NAV2: variants seen among roughly 807,000 people sequenced by gnomAD.
NAV2 encodes neuron navigator 2, also known as helicase, APC down-regulated 1.
NAV2 carries 54 observed loss-of-function variants against 223.2 expected under a neutral mutation model. The observed-to-expected ratio is 0.24, with a 90% confidence interval of 0.19 to 0.30. NAV2 has a LOEUF of 0.30. Ranked by LOEUF, NAV2 falls within the 10% of genes least tolerant of loss-of-function variation. NAV2 has a pLI of 1.00. For missense variants in NAV2, 2,806 were observed against 3,147.5 expected (o/e 0.89, Z 2.60); for synonymous variants, 1,279 against 1,239.3 (o/e 1.03, Z -0.67).
chr11:19,405,159 A>G (rs1849841090), intron 1 of NAV2, among the ~76,000 whole-genome samples: 1 of 152,242 alleles, frequency 6.6e-6, no homozygotes. Flanking sequence ...AAACTCATTC[A>G]CAAGTACACG....
At chr11:19,813,735 G>T (rs2058954376) in intron 1 of NAV2, among the ~76,000 whole-genome samples, 1 of 152,190 alleles carries the variant, frequency 6.6e-6, no homozygotes, top group Non-Finnish European at 1.5e-5. Context: ...CCCAGAGAGG[G>T]CATGGGACGT....
At chr11:19,571,071 G>A (rs1489362748) in intron 1 of NAV2, among the ~76,000 whole-genome samples, 1 of 152,128 alleles carries the variant, frequency 6.6e-6, no homozygotes, top group African/African-American at 2.4e-5. Flanking sequence ...AACAAAGTAT[G>A]GTATATCCAT....
intron 1 of NAV2, among the ~76,000 whole-genome samples, chr11:19,809,347 A>G (rs2058739671): frequency 6.6e-6 from 1 of 152,208 alleles, no homozygotes; most frequent in African/African-American, 2.4e-5. Flanking sequence ...CTAAATCCAC[A>G]TGTTATCCAT....
At chr11:19,390,949 A>C (rs935115647) in intron 1 of NAV2, among the ~76,000 whole-genome samples, 1 of 152,170 alleles carries the variant, frequency 6.6e-6, no homozygotes, top group African/African-American at 2.4e-5. Flanking sequence ...TGATAACACT[A>C]TCCCTTCCAA....
At chr11:19,859,581 T>C (rs1342351760) in intron 3 of NAV2, among the ~76,000 whole-genome samples, 3 of 151,972 alleles carry the variant, frequency 2.0e-5, no homozygotes, top group Non-Finnish European at 4.4e-5. Flanking sequence ...TCTCAATCTT[T>C]TCCCCACCTT....
intron 1 of NAV2, among the ~76,000 whole-genome samples, chr11:19,678,760 G>T (rs754220341): frequency 6.6e-6 from 1 of 152,184 alleles, no homozygotes; most frequent in Non-Finnish European, 1.5e-5. Flanking sequence ...AGCATCAGGG[G>T]CTCAAAATGC....
chr11:19,775,434 G>A (rs551865116), intron 1 of NAV2, among the ~76,000 whole-genome samples: 1 of 152,334 alleles, frequency 6.6e-6, no homozygotes, highest in African/African-American at 2.4e-5. Flanking sequence ...TGTAGAGGAA[G>A]CTGCATGGAC....
intron 3 of NAV2, among the ~76,000 whole-genome samples, chr11:19,863,661 C>T (rs1430992973): frequency 2.0e-5 from 3 of 152,176 alleles, no homozygotes; most frequent in Non-Finnish European, 4.4e-5. Context: ...CCGTGCTGCA[C>T]CCATAGGCTA....
At chr11:19,359,690 C>T (rs895672761) in intron 1 of NAV2, among the ~76,000 whole-genome samples, 3 of 152,126 alleles carry the variant, frequency 2.0e-5, no homozygotes, top group Non-Finnish European at 4.4e-5. Flanking sequence ...TGCTGTTATT[C>T]TTTCCAAAAA....
rs116203231 is a variant in NAV2 at position 19,481,510 on chromosome 11, C to T, written c.75+130483C>T. ...AAAGACTTGGGTTCAAGTACTGACT[C>T]TTCCACTTATTAATTGGGTGTTGCA... On this transcript the variant is annotated intron_variant, in intron 1 of 37. Coordinates refer to the NAV2 transcript ENST00000360655. Among the ~76,000 whole-genome samples, 996 of 152,316 alleles carry T rather than the reference C, an allele frequency of 6.5e-3. 8 individuals carry two copies. The highest frequency in any genetic ancestry group is 0.022 in the African/African-American group (931 of 41,558).
intron 1 of NAV2, among the ~76,000 whole-genome samples, chr11:19,380,284 T>C (rs1240321647): frequency 2.0e-5 from 3 of 152,344 alleles, no homozygotes; most frequent in East Asian, 3.9e-4. Context: ...TCTCTCCATA[T>C]TGAATTTCCT....
intron 1 of NAV2, among the ~76,000 whole-genome samples, chr11:19,770,489 G>A (rs2055626572): frequency 6.6e-6 from 1 of 152,090 alleles, no homozygotes; most frequent in Non-Finnish European, 1.5e-5. Flanking sequence ...CTGCTGCATT[G>A]AGGTGGTGGG....
intron 10 of NAV2, among the ~76,000 whole-genome samples, chr11:19,967,966 A>G (rs2048909803): frequency 6.6e-6 from 1 of 152,136 alleles, no homozygotes; most frequent in African/African-American, 2.4e-5. Context: ...CTTCTGAAAA[A>G]TGTTTAACCC....
intron 31 of NAV2, among the ~76,000 whole-genome samples, chr11:20,098,340 G>C (rs575981188): frequency 1.3e-5 from 2 of 152,188 alleles, no homozygotes; most frequent in African/African-American, 4.8e-5. Context: ...TAGGGGACAG[G>C]AGTGCACTGG....
chr11:19,461,436 T>C (rs1300732726), intron 1 of NAV2, among the ~76,000 whole-genome samples: 2 of 152,258 alleles, frequency 1.3e-5, no homozygotes, highest in Non-Finnish European at 2.9e-5. Context: ...TTGTGCGTTT[T>C]ATGTGGTTTT....
chr11:19,994,218 G>A (rs12786027), intron 11 of NAV2, among the ~76,000 whole-genome samples: 1 of 152,166 alleles, frequency 6.6e-6, no homozygotes, highest in Non-Finnish European at 1.5e-5. Context: ...TGGGATTTTC[G>A]TTTTATTTCC....
intron 12 of NAV2, among the ~76,000 whole-genome samples, chr11:20,038,727 C>T (rs552590951): frequency 2.0e-5 from 3 of 152,136 alleles, no homozygotes; most frequent in Non-Finnish European, 4.4e-5. Flanking sequence ...CACAGTCTGC[C>T]AGGCAAGGCG....
chr11:19,939,939 T>G (rs1231782031), intron 8 of NAV2, among the ~76,000 whole-genome samples, 166 bp downstream of exon 8: 1 of 152,036 alleles, frequency 6.6e-6, no homozygotes, highest in Admixed American at 6.5e-5. Flanking sequence ...ATTTTTCTTC[T>G]TGTTTTTCTT....
intron 7 of NAV2, among the ~76,000 whole-genome samples, chr11:19,936,017 G>C (rs2045867732): frequency 7.2e-6 from 1 of 138,788 alleles, no homozygotes; most frequent in Admixed American, 7.5e-5. Flanking sequence ...ATGCCGCCAT[G>C]CCTGGCTAAT....
Sources: allele counts gnomAD v4.1 joint callset (sites outside exome capture counted in the v4.1 genomes callset), GRCh38; gene constraint gnomAD v4.1.1; transcripts MANE v1.5; gene names NCBI Gene and HGNC (gene_info 2026-07-23, HGNC 2026-07-21).